Variants in SSUH2 observed in about 807,000 individuals in gnomAD.
SSUH2 encodes ssu-2 homolog.
SSUH2 carries 47 observed loss-of-function variants against 55.3 expected under a neutral mutation model. The observed-to-expected ratio is 0.85, with a 90% confidence interval of 0.67 to 1.08. SSUH2 has a LOEUF of 1.08. SSUH2 is among the 50% of genes least tolerant of loss of function. The probability of loss-of-function intolerance (pLI) is 0.00; values close to 1 mark genes in which losing one functional copy is unlikely to be tolerated. For synonymous variants in SSUH2, 212 were observed against 191.5 expected (o/e 1.11, Z -0.89); for missense variants, 535 against 490.7 (o/e 1.09, Z -0.85).
At chr3:8,629,579 CA>C in intron 7 of SSUH2, 84 bp downstream of exon 7, 7 of 1,260,162 alleles carry the variant, frequency 5.6e-6, no homozygotes, top group Non-Finnish European at 8.0e-6. Context: ...CAGGGAGCCT[CA>C]GGCCACCAGC....
At chr3:8,681,844 C>CG (rs1409215530) in intron 1 of SSUH2, 1 of 160,568 alleles carries the variant, frequency 6.2e-6, no homozygotes, top group African/African-American at 2.4e-5. Context: ...CTCTTCCCCC[C>CG]CTGGCTTAGG....
intron 4 of SSUH2, among the ~76,000 whole-genome samples, chr3:8,671,489 A>C (rs1024931199): frequency 6.6e-6 from 1 of 152,138 alleles, no homozygotes; most frequent in African/African-American, 2.4e-5. Context: ...GAATAATATC[A>C]AACGGAACCT....
chr3:8,621,464 G>C (rs1347939474), intron 11 of SSUH2, among the ~76,000 whole-genome samples: 1 of 152,178 alleles, frequency 6.6e-6, no homozygotes. Context: ...TCTGGGCAGT[G>C]GGGGTGTATT....
chr3:8,680,149 C>T (rs752418292), intron 1 of SSUH2, among the ~76,000 whole-genome samples: 2 of 152,180 alleles, frequency 1.3e-5, no homozygotes, highest in Non-Finnish European at 2.9e-5. Flanking sequence ...TGGCCGAGGC[C>T]GGTGGCCTAC....
At chr3:8,649,023 C>A (rs1369129225), upstream of SSUH2, among the ~76,000 whole-genome samples, 1 of 152,126 alleles carries the variant, frequency 6.6e-6, no homozygotes, top group Non-Finnish European at 1.5e-5. Context: ...TCATTCAGGG[C>A]AGCTCTGAAG....
intron 1 of SSUH2, among the ~76,000 whole-genome samples, chr3:8,642,840 G>GA (rs375623972): frequency 4.8e-4 from 73 of 151,254 alleles, no homozygotes; most frequent in African/African-American, 1.5e-3. Context: ...GACACTTGGG[G>GA]AAAAAAAAAT....
chr3:8,660,304 A>G (rs1018167423), intron 6 of SSUH2, among the ~76,000 whole-genome samples: 2 of 151,902 alleles, frequency 1.3e-5, no homozygotes, highest in African/African-American at 2.4e-5. Flanking sequence ...GAGCAGCCCA[A>G]GGCAACCTTG....
upstream of SSUH2, among the ~76,000 whole-genome samples, chr3:8,645,707 A>G (rs1559451669): frequency 6.6e-6 from 1 of 152,006 alleles, no homozygotes. Flanking sequence ...CTCAATGACA[A>G]CCTGGGATTG....
At chr3:8,638,426 T>C (rs1275881128) in intron 1 of SSUH2, among the ~76,000 whole-genome samples, 1 of 152,226 alleles carries the variant, frequency 6.6e-6, no homozygotes, top group African/African-American at 2.4e-5. Flanking sequence ...AAAAGTTTCA[T>C]AGACGTAGAG....
chr3:8,626,287 A>T lies in SSUH2; in HGVS notation c.709T>A (p.Cys237Ser). The T allele has an allele frequency of 3.7e-6, 6 of 1,614,096 alleles. No individual in the cohort carries two copies. Among genetic ancestry groups the T allele is most frequent in the Non-Finnish European group, 5.1e-6 (6 of 1,180,010 alleles). ...STCSGRGNKT[C>S]ATCKGEKKLL... ...TTCTTCTCCCCCTTGCAGGTGGCGC[A>T]GGTCTTGTTCCCTCTCCCTGAGCAA... The change falls in exon 9 of 12, where the codon TGC becomes AGC. Residue 237 changes from cysteine (C) to serine (S), a missense_variant. Coordinates refer to ENST00000544814, the MANE Select transcript of SSUH2 (RefSeq NM_001256748.3).
intron 3 of SSUH2, 132 bp from the exon 4 acceptor site, chr3:8,633,927 TGGGGA>T (rs1699415521): frequency 3.1e-6 from 5 of 1,613,772 alleles, no homozygotes; most frequent in Non-Finnish European, 4.2e-6. Flanking sequence ...GCAGTCCAAC[TGGGGA>T]GGGCATCTCC....
intron 11 of SSUH2, 119 bp downstream of exon 11, chr3:8,623,429 TC>T: frequency 1.4e-6 from 1 of 693,716 alleles, no homozygotes; most frequent in Non-Finnish European, 2.6e-6. Context: ...CCCACACTCC[TC>T]CCCCGGGACC....
intron 5 of SSUH2, among the ~76,000 whole-genome samples, chr3:8,668,314 T>C (rs1243838097): frequency 2.6e-5 from 4 of 152,208 alleles, no homozygotes; most frequent in African/African-American, 9.7e-5. Context: ...AAGACACTAT[T>C]TTTCACAGGT....
At chr3:8,667,745 T>G (rs1230640241) in intron 5 of SSUH2, among the ~76,000 whole-genome samples, 1 of 152,220 alleles carries the variant, frequency 6.6e-6, no homozygotes, top group Non-Finnish European at 1.5e-5. Context: ...AACCCTCTGA[T>G]TCTGCCTCGG....
In SSUH2 at chr3:8,680,516, G is replaced by A. The variant is rs376548757; in HGVS notation, c.-1045-667C>T. 2.6e-5 allele frequency among the ~76,000 whole-genome samples: 4 copies of A among 152,132 alleles called. No homozygotes were observed. In the East Asian group the frequency reaches 7.7e-4, roughly 29 times the overall value. The stretch of plus-strand genomic sequence containing the variant: ...CTGAATATTAAGAACAGTATCACAG[G>A]GGTGTTTCTACTCCCTGCGATATCG... On this transcript the variant is annotated intron_variant, in intron 1 of 18. Transcript: ENST00000317371.
intron 1 of SSUH2, among the ~76,000 whole-genome samples, chr3:8,639,508 A>G (rs1161886055): frequency 6.6e-6 from 1 of 152,236 alleles, no homozygotes; most frequent in Non-Finnish European, 1.5e-5. Flanking sequence ...CTATGGCTCC[A>G]TGCAAAGAGC....
At chr3:8,679,180 C>CCCCTGGCTCTTGGG (rs1559570799) in intron 2 of SSUH2, among the ~76,000 whole-genome samples, 3 of 89,914 alleles carry the variant, frequency 3.3e-5, no homozygotes, top group African/African-American at 3.8e-5. Flanking sequence ...GCTGTTCCCC[C>CCCCTGGCTCTTGGG]ACACTGGCTC....
At chr3:8,676,245 C>T (rs1286892786) in intron 3 of SSUH2, among the ~76,000 whole-genome samples, 12 of 151,894 alleles carry the variant, frequency 7.9e-5, no homozygotes, top group African/African-American at 2.2e-4. Context: ...CCCGTCTGTA[C>T]TGGGAGTAAT....
At chr3:8,675,859 A>G (rs564829481) in intron 3 of SSUH2, among the ~76,000 whole-genome samples, 1 of 152,242 alleles carries the variant, frequency 6.6e-6, no homozygotes, top group African/African-American at 2.4e-5. Context: ...AGCCTTTTCC[A>G]TTGTATGCGT....
Sources: gnomAD v4.1 joint callset for allele counts (sites outside exome capture counted in the v4.1 genomes callset) on GRCh38, gnomAD v4.1.1 for gene constraint, MANE v1.5 for transcripts, NCBI Gene and HGNC (gene_info 2026-07-23, HGNC 2026-07-21) for gene names.